Variants in ERICH1 observed in about 807,000 individuals in gnomAD.
The protein encoded by ERICH1 is glutamate rich 1.
In ERICH1, 56 loss-of-function variants were observed where a neutral mutation model predicts 39.6. That is an observed-to-expected ratio of 1.41 (90% confidence interval 1.14 to 1.77). ERICH1 has a LOEUF of 1.77. Ranked by LOEUF, ERICH1 falls within the 40% of genes most tolerant of loss-of-function variation. The pLI, the probability that ERICH1 is intolerant of heterozygous loss-of-function variation, is 0.00. For synonymous variants in ERICH1, 313 were observed against 223.6 expected, an observed-to-expected ratio of 1.40 and a Z score of -3.57; for missense variants, 826 against 575.4, an observed-to-expected ratio of 1.44 and a Z score of -4.45.
At chr8:727,623 C>G (rs971944136) in intron 1 of ERICH1, among the ~76,000 whole-genome samples, 3 of 152,208 alleles carry the variant, frequency 2.0e-5, no homozygotes, top group Non-Finnish European at 2.9e-5. Context: ...TAAAAAGCAT[C>G]CAAGCATCCT....
At chr8:714,931 G>T (rs1172604462) in intron 2 of ERICH1, among the ~76,000 whole-genome samples, 1 of 152,108 alleles carries the variant, frequency 6.6e-6, no homozygotes, top group African/African-American at 2.4e-5. Context: ...TCGGTGGGAT[G>T]TACTCCACCC....
intron 3 of ERICH1, among the ~76,000 whole-genome samples, chr8:674,641 G>C (rs1804252976): frequency 6.6e-6 from 1 of 152,018 alleles, no homozygotes; most frequent in South Asian, 2.1e-4. Flanking sequence ...CATTTCTATG[G>C]GCCTTTCCCT....
chr8:696,342 A>C (rs1212455454), intron 2 of ERICH1, among the ~76,000 whole-genome samples: 31 of 8,490 alleles, frequency 3.7e-3, no homozygotes, highest in Non-Finnish European at 5.4e-3. Context: ...CTCACCCTCC[A>C]CTCCTCTCCT....
chr8:688,415 C>T (rs1216565648), intron 3 of ERICH1, among the ~76,000 whole-genome samples: 1 of 149,608 alleles, frequency 6.7e-6, no homozygotes, highest in East Asian at 2.0e-4. Flanking sequence ...CTCCGCTTCC[C>T]TCCGGCCTTC....
At chr8:661,048 G>A (rs1315929164), downstream of ERICH1, among the ~76,000 whole-genome samples, 1 of 152,186 alleles carries the variant, frequency 6.6e-6, no homozygotes. Flanking sequence ...ACCTGGTAGG[G>A]AACTCACTGC....
At chr8:661,802 C>G (rs1028499686), downstream of ERICH1, among the ~76,000 whole-genome samples, 2 of 152,242 alleles carry the variant, frequency 1.3e-5, no homozygotes, top group Non-Finnish European at 2.9e-5. Context: ...CCTCAATATT[C>G]TCAGGGTCAG....
chr8:654,915 T>C (rs1800428185), intron 3 of ERICH1, among the ~76,000 whole-genome samples: 1 of 152,162 alleles, frequency 6.6e-6, no homozygotes. Context: ...AGACAGCGGG[T>C]CACAATGGCT....
chr8:654,231 T>TG (rs1189793595), intron 3 of ERICH1, among the ~76,000 whole-genome samples: 9 of 152,372 alleles, frequency 5.9e-5, no homozygotes, highest in African/African-American at 1.4e-4. Flanking sequence ...CCAAAGGCTT[T>TG]AAGACCCTGT....
intron 3 of ERICH1, among the ~76,000 whole-genome samples, chr8:629,926 G>C (rs1185929859): frequency 1.7e-5 from 2 of 114,962 alleles, no homozygotes; most frequent in Admixed American, 9.2e-5. Context: ...ACACCCTCCC[G>C]TGACCACCCA....
chr8:718,389 G>A (rs189399653), intron 1 of ERICH1, among the ~76,000 whole-genome samples: 34 of 152,238 alleles, frequency 2.2e-4, no homozygotes, highest in Admixed American at 3.9e-4. Flanking sequence ...AAGAAAGGTA[G>A]GGAGCATTTT....
At chr8:685,749 G>C (rs1196484365) in intron 3 of ERICH1, among the ~76,000 whole-genome samples, 1 of 152,160 alleles carries the variant, frequency 6.6e-6, no homozygotes, top group African/African-American at 2.4e-5. Context: ...CCGAGGCCTT[G>C]TCTGGCATTT....
rs1215387201 is a variant in ERICH1 at position 671,266 on chromosome 8, G to A, written c.1063+2023C>T. Among the ~76,000 whole-genome samples, 93 of 88,716 alleles carry A rather than the reference G, an allele frequency of 1.0e-3. 1 individual carries two copies. The highest frequency in any genetic ancestry group is 3.2e-3 in the South Asian group (8 of 2,502). 58.2% of individuals were successfully genotyped at this position (88,716 alleles called of 152,430 possible). A position where few individuals can be genotyped will look rare whatever the true frequency, so the allele number is the denominator to read the frequency against. On this transcript the variant is annotated intron_variant, in intron 4 of 5. Transcript: ENST00000262109. ...CTCTGAACCCGCTGGCCCCTGCTCCGACCACTGAGCGCGCTGGTCCCCAGG... is the reference window on the plus strand; with the variant it reads ...CTCTGAACCCGCTGGCCCCTGCTCCAACCACTGAGCGCGCTGGTCCCCAGG...
intron 3 of ERICH1, among the ~76,000 whole-genome samples, chr8:642,485 C>T (rs1799119906): frequency 6.6e-6 from 1 of 152,076 alleles, no homozygotes; most frequent in East Asian, 1.9e-4. Flanking sequence ...GCTGGGACTA[C>T]AGGCACCAGC....
intron 3 of ERICH1, among the ~76,000 whole-genome samples, chr8:636,383 G>C (rs1337286681): frequency 6.6e-6 from 1 of 152,218 alleles, no homozygotes; most frequent in East Asian, 1.9e-4. Flanking sequence ...CTGTCCTTCT[G>C]GTCACGGGAT....
Position 645,813 on chromosome 8 carries a change from C to T in ERICH1, c.976+22785G>A, listed in dbSNP as rs529263030. On this transcript the variant is annotated intron_variant, in intron 3 of 3. Coordinates refer to the ERICH1 transcript ENST00000522706. ...CCAGAAATCTGAATTTCTAGGACTT[C>T]CAGCTCCTGGTACCTTTCACCACAG... Among the ~76,000 whole-genome samples, 33 of 69,786 alleles carry T rather than the reference C, an allele frequency of 4.7e-4. 12 individuals carry two copies. Among genetic ancestry groups the T allele is most frequent in the African/African-American group, 1.2e-3 (33 of 27,764 alleles). The allele number at this position is 69,786 out of a possible 152,430, so 45.8% of individuals were successfully genotyped here. A position where few individuals can be genotyped will look rare whatever the true frequency, so the allele number is the denominator to read the frequency against.
At chr8:678,006 C>T (rs1419877239) in intron 3 of ERICH1, among the ~76,000 whole-genome samples, 6 of 152,032 alleles carry the variant, frequency 3.9e-5, no homozygotes, top group South Asian at 4.1e-4. Context: ...AGATCGACTG[C>T]GCTATTGATC....
chr8:722,871 A>G (rs1817650791), intron 1 of ERICH1, among the ~76,000 whole-genome samples: 1 of 152,248 alleles, frequency 6.6e-6, no homozygotes. Context: ...CCACATGCTT[A>G]CAGGAATTCA....
At chr8:634,365 TC>T (rs750240604) in intron 3 of ERICH1, among the ~76,000 whole-genome samples, 10 of 151,502 alleles carry the variant, frequency 6.6e-5, no homozygotes, top group Non-Finnish European at 1.2e-4. Flanking sequence ...CTTGGAACCC[TC>T]GTGCACTGTT....
intron 3 of ERICH1, among the ~76,000 whole-genome samples, chr8:674,352 G>C (rs1804179848): frequency 6.7e-6 from 1 of 148,608 alleles, no homozygotes; most frequent in Non-Finnish European, 1.5e-5. Context: ...GCACAGGCTG[G>C]AGTGCAGTGG....
Sources: allele counts gnomAD v4.1 joint callset (sites outside exome capture counted in the v4.1 genomes callset), GRCh38; gene constraint gnomAD v4.1.1; transcripts MANE v1.5; gene names NCBI Gene and HGNC (gene_info 2026-07-23, HGNC 2026-07-21).